The following KIAA1328 variants were observed in gnomAD, a reference collection of about 807,000 sequenced individuals.
KIAA1328 encodes the protein KIAA1328.
Under a neutral mutation model 68.1 loss-of-function variants are expected in KIAA1328, and 52 were observed. The observed-to-expected ratio is 0.76, with a 90% CI of 0.61 to 0.96. The LOEUF (loss-of-function observed/expected upper bound fraction) is 0.96. Ranked by LOEUF, KIAA1328 falls within the 40% of genes least tolerant of loss-of-function variation. The pLI is 0.00. For synonymous variants in KIAA1328, 232 were observed against 239.4 expected, an observed-to-expected ratio of 0.97 and a Z score of 0.28; for missense variants, 641 against 677.6, an observed-to-expected ratio of 0.95 and a Z score of 0.60.
intron 1 of KIAA1328, chr18:36,834,117 A>G: frequency 1.2e-6 from 1 of 821,760 alleles, no homozygotes; most frequent in East Asian, 3.4e-5. Context: ...AGAGAATATT[A>G]ATTTTGCTAC....
chr18:37,200,255 G>A (rs1217633963), intron 9 of KIAA1328, among the ~76,000 whole-genome samples: 1 of 152,210 alleles, frequency 6.6e-6, no homozygotes, highest in Non-Finnish European at 1.5e-5. Context: ...AAAGGCAAAA[G>A]AAACAATGAG....
chr18:37,074,434 C>T (rs932752456), intron 7 of KIAA1328, among the ~76,000 whole-genome samples: 4 of 152,336 alleles, frequency 2.6e-5, no homozygotes, highest in African/African-American at 9.6e-5. Context: ...GTACACCAAT[C>T]AGACGTAGAT....
intron 6 of KIAA1328, among the ~76,000 whole-genome samples, chr18:37,042,397 C>T (rs2055290706): frequency 6.6e-6 from 1 of 152,170 alleles, no homozygotes; most frequent in Non-Finnish European, 1.5e-5. Flanking sequence ...CTTATAAAGG[C>T]AGCTCTACCA....
chr18:37,025,351 C>T (rs2054527382), intron 6 of KIAA1328, among the ~76,000 whole-genome samples: 1 of 152,184 alleles, frequency 6.6e-6, no homozygotes, highest in East Asian at 1.9e-4. Flanking sequence ...AGGACTTGAA[C>T]TCAGCTCTGC....
At chr18:37,226,428 G>A (rs377722328), downstream of KIAA1328, among the ~76,000 whole-genome samples, 4 of 151,988 alleles carry the variant, frequency 2.6e-5, no homozygotes, top group African/African-American at 7.2e-5. Context: ...TCATCACTCC[G>A]AAGAGAAACC....
At chr18:37,035,896 T>G (rs1269837212) in intron 6 of KIAA1328, among the ~76,000 whole-genome samples, 4 of 152,184 alleles carry the variant, frequency 2.6e-5, no homozygotes, top group Non-Finnish European at 4.4e-5. Context: ...GTGTTACTCT[T>G]TTTTTCTCTC....
chr18:37,152,260 T>C (rs2059052164), intron 7 of KIAA1328, among the ~76,000 whole-genome samples: 1 of 152,118 alleles, frequency 6.6e-6, no homozygotes, highest in Admixed American at 6.6e-5. Flanking sequence ...AGTAGAATTT[T>C]AGAAAAGTAA....
At chr18:37,164,576 C>G (rs2059347784) in intron 8 of KIAA1328, among the ~76,000 whole-genome samples, 1 of 152,014 alleles carries the variant, frequency 6.6e-6, no homozygotes, top group Non-Finnish European at 1.5e-5. Context: ...GAAATCCTGT[C>G]TCTACTAAAA....
At chr18:37,054,700 G>A (rs1343787758) in intron 6 of KIAA1328, among the ~76,000 whole-genome samples, 1 of 152,150 alleles carries the variant, frequency 6.6e-6, no homozygotes, top group Admixed American at 6.5e-5. Context: ...TGTAAAAGCT[G>A]CCTGTTGGGT....
chr18:37,044,258 T>C (rs2055373336), intron 6 of KIAA1328, among the ~76,000 whole-genome samples: 1 of 152,108 alleles, frequency 6.6e-6, no homozygotes, highest in Non-Finnish European at 1.5e-5. Context: ...TCATTAAGAT[T>C]TATAGTGGTA....
At chr18:36,866,177 A>T (rs1411424106) in intron 4 of KIAA1328, among the ~76,000 whole-genome samples, 1 of 152,130 alleles carries the variant, frequency 6.6e-6, no homozygotes, top group African/African-American at 2.4e-5. Context: ...CAGTCACCCC[A>T]GTCCTCCTGC....
chr18:36,876,306 C>T (rs2048123986), intron 4 of KIAA1328, among the ~76,000 whole-genome samples: 1 of 151,658 alleles, frequency 6.6e-6, no homozygotes, highest in Admixed American at 6.6e-5. Flanking sequence ...TGGGACCAGA[C>T]TATTTTTTTG....
At chr18:37,215,597 GT>G (rs1351779890) in intron 9 of KIAA1328, among the ~76,000 whole-genome samples, 1 of 152,162 alleles carries the variant, frequency 6.6e-6, no homozygotes, top group Non-Finnish European at 1.5e-5. Flanking sequence ...AGGGATATTG[GT>G]CTAAAATTCT....
intron 4 of KIAA1328, among the ~76,000 whole-genome samples, chr18:36,845,396 A>G (rs1832842838): frequency 6.6e-6 from 1 of 151,726 alleles, no homozygotes; most frequent in African/African-American, 2.4e-5. Context: ...ATGAGGAGTT[A>G]TTAAATATGT....
At chr18:36,943,560 G>A (rs1049253029) in intron 5 of KIAA1328, among the ~76,000 whole-genome samples, 1 of 152,206 alleles carries the variant, frequency 6.6e-6, no homozygotes, top group Non-Finnish European at 1.5e-5. Flanking sequence ...TTTAACCAGA[G>A]TGGGGAGTTA....
chr18:36,833,889 A>G (rs1003357561), intron 1 of KIAA1328, among the ~76,000 whole-genome samples: 3 of 152,180 alleles, frequency 2.0e-5, no homozygotes, highest in South Asian at 4.1e-4. Context: ...CTTCAAAGCT[A>G]AAGTCTATCT....
intron 9 of KIAA1328, among the ~76,000 whole-genome samples, chr18:37,198,844 A>G (rs2060052814): frequency 6.6e-6 from 1 of 152,174 alleles, no homozygotes; most frequent in Non-Finnish European, 1.5e-5. Flanking sequence ...AAATGAGGAG[A>G]GCAAAACAGC....
At chr18:37,217,060 G>C (rs574886811) in intron 9 of KIAA1328, among the ~76,000 whole-genome samples, 2 of 144,360 alleles carry the variant, frequency 1.4e-5, no homozygotes, top group East Asian at 4.0e-4. Flanking sequence ...GCCTGTGTGT[G>C]TCTCTGCACG....
chr18:37,192,816 T>G (rs1861838594), intron 9 of KIAA1328, among the ~76,000 whole-genome samples: 2 of 152,172 alleles, frequency 1.3e-5, no homozygotes, highest in South Asian at 4.1e-4. Flanking sequence ...TGCTACAAAA[T>G]GATTAAGATA....
Sources: gnomAD v4.1 joint callset for allele counts (sites outside exome capture counted in the v4.1 genomes callset) on GRCh38, gnomAD v4.1.1 for gene constraint, MANE v1.5 for transcripts, NCBI Gene and HGNC (gene_info 2026-07-23, HGNC 2026-07-21) for gene names.